ALPK2: variants seen among roughly 807,000 people sequenced by gnomAD.
ALPK2 encodes alpha kinase 2.
ALPK2 carries 127 observed loss-of-function variants against 163.1 expected under a neutral mutation model. That is an observed-to-expected ratio of 0.78 (90% CI 0.67 to 0.90). ALPK2 has a LOEUF of 0.90. Among genes scored for constraint, ALPK2 ranks in the 40% least tolerant of loss-of-function variants. The probability of loss-of-function intolerance (pLI) is 0.00; values close to 1 mark genes in which losing one functional copy is unlikely to be tolerated. For missense variants in ALPK2, 2,360 were observed against 2,589.6 expected (o/e 0.91, Z 1.92); for synonymous variants, 953 against 959.1 (o/e 0.99, Z 0.12).
chr18:58,609,962 T>A (rs962489560), intron 2 of ALPK2, among the ~76,000 whole-genome samples: 14 of 152,200 alleles, frequency 9.2e-5, no homozygotes, highest in African/African-American at 3.4e-4. Flanking sequence ...CGCACAGTTC[T>A]ACACTGCAAC....
At chr18:58,499,028 G>T (rs1457929841) in intron 11 of ALPK2, among the ~76,000 whole-genome samples, 1 of 152,156 alleles carries the variant, frequency 6.6e-6, no homozygotes, top group South Asian at 2.1e-4. Flanking sequence ...GGTTTTCTGG[G>T]TGGTCAGTGT....
intron 1 of ALPK2, among the ~76,000 whole-genome samples, chr18:58,613,893 C>A (rs1161644330): frequency 6.6e-6 from 1 of 152,112 alleles, no homozygotes; most frequent in Non-Finnish European, 1.5e-5. Context: ...ATCACTCCTG[C>A]TGCTTTGGAA....
At chr18:58,612,786 C>G (rs1006772374) in intron 1 of ALPK2, among the ~76,000 whole-genome samples, 1 of 151,924 alleles carries the variant, frequency 6.6e-6, no homozygotes, top group African/African-American at 2.4e-5. Flanking sequence ...TTGGCCAGAC[C>G]TCTCCTTTGT....
chr18:58,617,542 A>G (rs778150081), intron 1 of ALPK2, among the ~76,000 whole-genome samples: 1 of 152,132 alleles, frequency 6.6e-6, no homozygotes, highest in Non-Finnish European at 1.5e-5. Flanking sequence ...TCCTAAGTGG[A>G]TACATTTATG....
intron 1 of ALPK2, among the ~76,000 whole-genome samples, chr18:58,615,314 G>C (rs2052160361): frequency 6.6e-6 from 1 of 151,732 alleles, no homozygotes; most frequent in Non-Finnish European, 1.5e-5. Context: ...GGGGGACAGT[G>C]GCGGGCAGGG....
At chr18:58,550,475 A>ACC in intron 4 of ALPK2, among the ~76,000 whole-genome samples, 1 of 78,982 alleles carries the variant, frequency 1.3e-5, no homozygotes. Context: ...CATCTCCATC[A>ACC]TATATGACTC....
At chr18:58,611,092 CAA>C (rs531501598) in intron 2 of ALPK2, among the ~76,000 whole-genome samples, 2 of 121,476 alleles carry the variant, frequency 1.6e-5, no homozygotes, top group Non-Finnish European at 1.8e-5. Flanking sequence ...GACTCTGTCT[CAA>C]AAAAAAAAAA....
At chr18:58,543,132 T>G (rs868128246) in intron 4 of ALPK2, among the ~76,000 whole-genome samples, 9 of 152,226 alleles carry the variant, frequency 5.9e-5, no homozygotes, top group Middle Eastern at 3.4e-3. Flanking sequence ...TGAGGTGGCA[T>G]AGAGCGTGCT....
In ALPK2 at chr18:58,536,435, G is replaced by C; in HGVS notation, c.3752C>G (p.Pro1251Arg). The C allele has an allele frequency of 6.2e-7, 1 of 1,614,112 alleles. No individual in the cohort carries two copies. Among genetic ancestry groups the C allele is most frequent in the Non-Finnish European group, 8.5e-7 (1 of 1,180,028 alleles). ...GCTCTCAGAATTTGTCAGTTGTCGTGGTGGCCAGATTTCAGAAGCGGAAGC... is the reference window on the plus strand; with the variant it reads ...GCTCTCAGAATTTGTCAGTTGTCGTCGTGGCCAGATTTCAGAAGCGGAAGC... ...LEASASEIWP[P>R]RQLTNSESKA... The change falls in exon 5 of 13, where the codon CCA becomes CGA. Residue 1251 changes from proline (P) to arginine (R), a missense_variant. Transcript: ENST00000361673.
chr18:58,571,117 G>A (rs963926410), intron 4 of ALPK2, among the ~76,000 whole-genome samples: 12 of 151,982 alleles, frequency 7.9e-5, no homozygotes, highest in South Asian at 6.2e-4. Flanking sequence ...CACCTCCCAC[G>A]TTCAAGCAAT....
At position 58,529,334 on chromosome 18, in the gene ALPK2, T is replaced by TTA. The variant is rs749977962; in HGVS notation, c.5354-98_5354-97dup. 30 of 1,277,968 alleles carry TTA rather than the reference T, an allele frequency of 2.3e-5. 2 individuals carry two copies. The highest frequency in any genetic ancestry group is 1.9e-4 in the East Asian group (8 of 41,486). 79.2% of individuals were successfully genotyped at this position (1,277,968 alleles called of 1,614,324 possible). ...CAATCCTGAGAGACAGGAATATTAA[T>TTA]TATTATCCCCAATTATGGAAGTGAG... is the stretch of plus-strand genomic sequence containing the variant. On this transcript the variant is annotated intron_variant, in intron 5 of 12. Transcript: ENST00000361673.
intron 12 of ALPK2, among the ~76,000 whole-genome samples, chr18:58,494,026 G>A (rs985785207): frequency 1.3e-5 from 2 of 152,150 alleles, no homozygotes; most frequent in African/African-American, 4.8e-5. Flanking sequence ...GGAACTCCCC[G>A]ACTGGCTGGA....
At chr18:58,603,717 C>T (rs2052083683) in intron 3 of ALPK2, among the ~76,000 whole-genome samples, 1 of 146,470 alleles carries the variant, frequency 6.8e-6, no homozygotes, top group African/African-American at 2.6e-5. Context: ...CACAATTCCC[C>T]GTTTGTATAC....
intron 4 of ALPK2, among the ~76,000 whole-genome samples, chr18:58,574,280 TA>T (rs11345187): frequency 0.16 from 21,028 of 132,310 alleles, 1,589 homozygotes; most frequent in African/African-American, 0.19. Flanking sequence ...CTGTCTCTAC[TA>T]AAAAAAAAAA....
At position 58,536,239 on chromosome 18, in the gene ALPK2, G is replaced by A. The variant is rs781437712; in HGVS notation, c.3948C>T (p.Gly1316=). ...AATGTACACTGATGGTGGGCTCTTCGCCTTTATGGCTTTCTCTGCTATCAG... is the reference window on the plus strand; with the variant it reads ...AATGTACACTGATGGTGGGCTCTTCACCTTTATGGCTTTCTCTGCTATCAG... The part of the protein sequence containing the change: ...ALADSRESHK[G]EEPTISVHWR... The change falls in exon 5 of 13, where the codon GGC becomes GGT. Residue 1316 remains glycine (G), a synonymous_variant. Coordinates refer to ENST00000361673, the MANE Select transcript of ALPK2 (RefSeq NM_052947.4). 89 of 1,614,026 alleles carry A rather than the reference G, an allele frequency of 5.5e-5. 3 individuals are homozygous for A. The South Asian group carries it at 7.2e-4, about 13-fold the overall frequency.
chr18:58,529,341 C>A, intron 5 of ALPK2, 103 bp from the exon 6 acceptor site: 3 of 1,242,538 alleles, frequency 2.4e-6, no homozygotes, highest in Non-Finnish European at 3.3e-6. Context: ...TAATTATTAT[C>A]CCCAATTATG....
At position 58,554,182 on chromosome 18, in the gene ALPK2, A is replaced by G. The variant is rs571192644; in HGVS notation, c.1963-15958T>C. Among the ~76,000 whole-genome samples, 31 of 152,288 alleles carry G rather than the reference A, an allele frequency of 2.0e-4. 1 individual carries two copies. In the South Asian group the frequency reaches 2.7e-3, roughly 13 times the overall value. ...CCCTCAGGCAGTTCTTTACGGCAGT[A>G]TGAAAACAGACTAATACAAACGTGT... On this transcript the variant is annotated intron_variant, in intron 4 of 12. Transcript: ENST00000361673.
At chr18:58,605,097 A>G (rs1260531609) in intron 3 of ALPK2, among the ~76,000 whole-genome samples, 1 of 152,042 alleles carries the variant, frequency 6.6e-6, no homozygotes, top group African/African-American at 2.4e-5. Context: ...GCTCAGAGGA[A>G]AATAAGCAAG....
At position 58,525,451 on chromosome 18, in the gene ALPK2, GC is replaced by G. The variant is rs578050254; in HGVS notation, c.5502-1390del. ...GCCTTTCTGTCATTGAAAGGGGAAGGCAAGGGCTACCCGAAGGGCTGGGGGC... is the reference window on the plus strand; with the variant it reads ...GCCTTTCTGTCATTGAAAGGGGAAGGAAGGGCTACCCGAAGGGCTGGGGGC... On this transcript the variant is annotated intron_variant, in intron 6 of 12. Coordinates refer to ENST00000361673, the MANE Select transcript of ALPK2 (RefSeq NM_052947.4). Among the ~76,000 whole-genome samples, 553 of 152,302 alleles carry G rather than the reference GC, an allele frequency of 3.6e-3. 12 individuals carry two copies. The highest frequency in any genetic ancestry group is 0.034 in the Admixed American group (517 of 15,298).
Sources: gnomAD v4.1 joint callset for allele counts (sites outside exome capture counted in the v4.1 genomes callset) on GRCh38, gnomAD v4.1.1 for gene constraint, MANE v1.5 for transcripts, NCBI Gene and HGNC (gene_info 2026-07-23, HGNC 2026-07-21) for gene names.